The following DLGAP2 variants were observed in gnomAD, a reference collection of about 807,000 sequenced individuals.
The protein encoded by DLGAP2 is disks large-associated protein 2.
Under a neutral mutation model 100.3 loss-of-function variants are expected in DLGAP2, and 26 were observed. The ratio of observed to expected loss-of-function variants is 0.26; its 90% CI spans 0.19 to 0.36. The LOEUF (loss-of-function observed/expected upper bound fraction) is 0.36, where lower values mean the gene tolerates loss of function less well. DLGAP2 is among the 10% of genes least tolerant of loss of function. The probability of loss-of-function intolerance (pLI) is 1.00; values close to 1 mark genes in which losing one functional copy is unlikely to be tolerated. For synonymous variants in DLGAP2, 886 were observed against 630.1 expected (o/e 1.41, Z -6.08); for missense variants, 1,858 against 1,453.2 (o/e 1.28, Z -4.53).
chr8:1,515,634 G>T (rs1563196007), intron 4 of DLGAP2, among the ~76,000 whole-genome samples: 1 of 151,472 alleles, frequency 6.6e-6, no homozygotes, highest in Non-Finnish European at 1.5e-5. Context: ...GCAGACACAA[G>T]CACACACACA....
At chr8:1,305,691 C>T (rs906130052) in intron 3 of DLGAP2, among the ~76,000 whole-genome samples, 7 of 152,122 alleles carry the variant, frequency 4.6e-5, no homozygotes, top group African/African-American at 1.7e-4. Context: ...CCTGCTGGGA[C>T]AAAAATTACA....
intron 2 of DLGAP2, among the ~76,000 whole-genome samples, chr8:1,257,366 C>T (rs1269891116): frequency 2.0e-5 from 3 of 151,990 alleles, no homozygotes; most frequent in Non-Finnish European, 4.4e-5. Context: ...TTGAACAACA[C>T]CTCAACTCCC....
At chr8:825,283 C>T (rs1796666020) in intron 1 of DLGAP2, among the ~76,000 whole-genome samples, 1 of 152,226 alleles carries the variant, frequency 6.6e-6, no homozygotes, top group Non-Finnish European at 1.5e-5. Flanking sequence ...CTGTTAGATT[C>T]TACCTTGGGA....
intron 12 of DLGAP2, among the ~76,000 whole-genome samples, chr8:1,682,548 C>G (rs566225931): frequency 1.3e-4 from 19 of 151,750 alleles, no homozygotes; most frequent in African/African-American, 4.4e-4. Context: ...GATCTCAGCT[C>G]ACTGCAACCT....
At chr8:1,041,435 A>G (rs527525965) in intron 2 of DLGAP2, among the ~76,000 whole-genome samples, 7 of 152,296 alleles carry the variant, frequency 4.6e-5, no homozygotes, top group South Asian at 2.1e-4. Flanking sequence ...TTCAAAGCCC[A>G]GGTTTTGGGG....
At chr8:1,117,527 G>A (rs1315379184) in intron 2 of DLGAP2, among the ~76,000 whole-genome samples, 1 of 152,160 alleles carries the variant, frequency 6.6e-6, no homozygotes, top group Non-Finnish European at 1.5e-5. Flanking sequence ...AACCAAGACG[G>A]CCTTTTCATT....
intron 1 of DLGAP2, among the ~76,000 whole-genome samples, chr8:759,400 C>A (rs1224227260): frequency 6.6e-6 from 1 of 151,754 alleles, no homozygotes; most frequent in East Asian, 1.9e-4. Context: ...TGACGTGGCT[C>A]CCCCTGGGCT....
At chr8:1,099,336 G>T (rs1276432554) in intron 2 of DLGAP2, among the ~76,000 whole-genome samples, 4 of 152,200 alleles carry the variant, frequency 2.6e-5, no homozygotes, top group African/African-American at 7.2e-5. Context: ...GCGTAGAGAC[G>T]TGTGTCTCCG....
chr8:1,264,680 C>G (rs1487083873), intron 3 of DLGAP2, among the ~76,000 whole-genome samples: 1 of 152,094 alleles, frequency 6.6e-6, no homozygotes, highest in Non-Finnish European at 1.5e-5. Context: ...GACTTCTCCA[C>G]TATAAAATAG....
intron 1 of DLGAP2, among the ~76,000 whole-genome samples, chr8:771,830 G>T (rs757995844): frequency 6.6e-6 from 1 of 152,328 alleles, no homozygotes; most frequent in African/African-American, 2.4e-5. Flanking sequence ...CAATGGAAAG[G>T]GCAGTGTGGA....
At chr8:1,322,167 A>G (rs1045638308) in intron 3 of DLGAP2, among the ~76,000 whole-genome samples, 5 of 152,220 alleles carry the variant, frequency 3.3e-5, no homozygotes, top group Non-Finnish European at 7.3e-5. Context: ...TTCCTTCAAC[A>G]TAGGTGAATT....
At chr8:1,335,902 AG>A (rs1801262001) in intron 3 of DLGAP2, among the ~76,000 whole-genome samples, 1 of 151,536 alleles carries the variant, frequency 6.6e-6, no homozygotes, top group African/African-American at 2.4e-5. Context: ...GTGACGCGGG[AG>A]GCATCAGGAC....
chr8:1,104,654 G>A (rs1317958032), intron 2 of DLGAP2, among the ~76,000 whole-genome samples: 4 of 152,130 alleles, frequency 2.6e-5, no homozygotes, highest in Non-Finnish European at 4.4e-5. Flanking sequence ...CTGCAACCCC[G>A]CTTGGCAGAG....
At chr8:1,342,555 T>C (rs763685687) in intron 3 of DLGAP2, among the ~76,000 whole-genome samples, 4 of 152,178 alleles carry the variant, frequency 2.6e-5, no homozygotes, top group Admixed American at 6.5e-5. Context: ...TGTACATTTG[T>C]GGTAGGGTAA....
intron 6 of DLGAP2, among the ~76,000 whole-genome samples, chr8:1,577,379 G>T (rs904419155): frequency 6.6e-6 from 1 of 151,986 alleles, no homozygotes; most frequent in Non-Finnish European, 1.5e-5. Flanking sequence ...GACCAGCCTG[G>T]CCAACATGGC....
rs141320919 is a variant in DLGAP2, at chr8:1,204,348, C to T, written c.74-54503C>T. On this transcript the variant is annotated intron_variant, in intron 2 of 14. Transcript: ENST00000637795. ...AATTACAGGCCATGGTGTGGAAGAA[C>T]CCGGGGATTCTGGGATTTAAAGAAA... Among the ~76,000 whole-genome samples, 913 of 152,230 alleles carry T rather than the reference C, an allele frequency of 6.0e-3. 14 individuals carry two copies. Among genetic ancestry groups the T allele is most frequent in the African/African-American group, 0.021 (866 of 41,522 alleles).
chr8:1,534,461 G>T (rs1191538018), intron 4 of DLGAP2, among the ~76,000 whole-genome samples: 2 of 152,198 alleles, frequency 1.3e-5, no homozygotes, highest in Non-Finnish European at 2.9e-5. Flanking sequence ...GGGCAATTAA[G>T]TTGCAAATGT....
chr8:1,631,652 T>C (rs1386947105), intron 7 of DLGAP2, among the ~76,000 whole-genome samples: 1 of 152,206 alleles, frequency 6.6e-6, no homozygotes, highest in East Asian at 1.9e-4. Flanking sequence ...CAACTCTTTC[T>C]GCAGCCTGGC....
At position 1,272,442 on chromosome 8, in the gene DLGAP2, G is replaced by A. The variant is rs114920072; in HGVS notation, c.106+13559G>A. ...AGTTTTGTATATAGAAGTTATGTACGTATCTATATTAAACATTTTATATAT... is the reference window on the plus strand; with the variant it reads ...AGTTTTGTATATAGAAGTTATGTACATATCTATATTAAACATTTTATATAT... On this transcript the variant is annotated intron_variant, in intron 3 of 14. Coordinates refer to ENST00000637795, the MANE Select transcript of DLGAP2 (RefSeq NM_001346810.2). Among the ~76,000 whole-genome samples the A allele has an allele frequency of 3.8e-3, 569 of 151,616 alleles. 3 individuals are homozygous for A. Among genetic ancestry groups the A allele is most frequent in the African/African-American group, 0.012 (515 of 41,328 alleles).
Sources: gnomAD v4.1 joint callset for allele counts (sites outside exome capture counted in the v4.1 genomes callset) on GRCh38, gnomAD v4.1.1 for gene constraint, MANE v1.5 for transcripts, NCBI Gene and HGNC (gene_info 2026-07-23, HGNC 2026-07-21) for gene names.